Variants in LRRIQ3 observed in about 807,000 individuals in gnomAD.
LRRIQ3 encodes leucine-rich repeat and IQ domain-containing protein 3.
In LRRIQ3, 75 loss-of-function variants were observed where a neutral mutation model predicts 59.3. That is an observed-to-expected ratio of 1.26 (90% CI 1.05 to 1.53). The LOEUF (loss-of-function observed/expected upper bound fraction) is 1.53. Among genes scored for constraint, LRRIQ3 ranks in the 40% most tolerant of loss-of-function variants. The probability of loss-of-function intolerance (pLI) is 0.00; values close to 1 mark genes in which losing one functional copy is unlikely to be tolerated. For missense variants in LRRIQ3, 831 were observed against 710.0 expected (o/e 1.17, Z -1.94); for synonymous variants, 250 against 231.3 (o/e 1.08, Z -0.73).
At chr1:74,180,019 A>C (rs1649882620) in intron 3 of LRRIQ3, 1 of 151,872 alleles carries the variant, frequency 6.6e-6, no homozygotes, top group Non-Finnish European at 1.5e-5. Context: ...TCTTTCATAA[A>C]TTCTATTTCC....
Position 74,066,497 on chromosome 1 carries a change from G to A in LRRIQ3, c.997+8164C>T, listed in dbSNP as rs77571040. Among the ~76,000 whole-genome samples the A allele has an allele frequency of 3.9e-4, 59 of 149,990 alleles. No homozygotes were observed. In the East Asian group the frequency reaches 0.011, roughly 29 times the overall value. On this transcript the variant is annotated intron_variant, in intron 6 of 7. Coordinates refer to ENST00000354431, the MANE Select transcript of LRRIQ3 (RefSeq NM_001105659.2). ...TTTCATAATACATTTCAGTTCTATG[G>A]GTATATGAGGTCTAATAACAACAAT... is the stretch of plus-strand genomic sequence containing the variant.
chr1:74,074,899 CA>C, intron 5 of LRRIQ3, 109 bp from the exon 6 acceptor site: 1 of 545,834 alleles, frequency 1.8e-6, no homozygotes, highest in South Asian at 6.6e-5. Flanking sequence ...TCATTTAAAA[CA>C]TGAAAACAAA....
At chr1:74,126,691 T>C (rs1434868387) in intron 4 of LRRIQ3, among the ~76,000 whole-genome samples, 1 of 151,970 alleles carries the variant, frequency 6.6e-6, no homozygotes, top group Non-Finnish European at 1.5e-5. Context: ...TCTAGTTTTA[T>C]TCCATTGTCA....
At chr1:74,152,764 T>C (rs1648070679) in intron 4 of LRRIQ3, among the ~76,000 whole-genome samples, 1 of 152,160 alleles carries the variant, frequency 6.6e-6, no homozygotes, top group Admixed American at 6.5e-5. Context: ...ACTAGAGCTG[T>C]TTGGAAAAGC....
At chr1:74,178,503 A>G (rs1649782724) in intron 3 of LRRIQ3, among the ~76,000 whole-genome samples, 2 of 152,144 alleles carry the variant, frequency 1.3e-5, no homozygotes, top group African/African-American at 4.8e-5. Context: ...TATGATTTTT[A>G]TATTTTGTTT....
chr1:74,069,334 GC>G (rs1410280364), intron 6 of LRRIQ3, among the ~76,000 whole-genome samples: 4 of 151,910 alleles, frequency 2.6e-5, no homozygotes, highest in African/African-American at 9.7e-5. Context: ...AGTCTTGTAT[GC>G]CACATCTTTT....
In LRRIQ3 at chr1:74,168,459, A is replaced by G. The variant is rs538573684; in HGVS notation, c.574-12593T>C. The stretch of plus-strand genomic sequence containing the variant: ...ATATTTTTCCATCATTTTATTTTCA[A>G]TTTGCCTATAACATTCTATTTGAAA... On this transcript the variant is annotated intron_variant, in intron 3 of 7. Coordinates refer to ENST00000354431, the MANE Select transcript of LRRIQ3 (RefSeq NM_001105659.2). 5.3e-5 allele frequency among the ~76,000 whole-genome samples: 8 copies of G among 152,084 alleles called. No individual in the cohort carries two copies. The South Asian group carries it at 1.7e-3, about 32-fold the overall frequency.
At chr1:74,120,263 G>T (rs1646834814) in intron 4 of LRRIQ3, among the ~76,000 whole-genome samples, 1 of 151,680 alleles carries the variant, frequency 6.6e-6, no homozygotes, top group Non-Finnish European at 1.5e-5. Flanking sequence ...AATTACAGGT[G>T]CATGCAACCA....
At chr1:74,188,972 T>A (rs955110593) in intron 1 of LRRIQ3, among the ~76,000 whole-genome samples, 29 of 152,230 alleles carry the variant, frequency 1.9e-4, no homozygotes, top group African/African-American at 7.0e-4. Context: ...CCAAAATTTA[T>A]TGGCTTAAAA....
At chr1:74,153,894 T>C (rs959648074) in intron 4 of LRRIQ3, among the ~76,000 whole-genome samples, 3 of 152,070 alleles carry the variant, frequency 2.0e-5, no homozygotes, top group Non-Finnish European at 4.4e-5. Context: ...AAGGAAAATT[T>C]CCCATGGGGC....
At chr1:74,110,441 T>G (rs776387451) in intron 4 of LRRIQ3, among the ~76,000 whole-genome samples, 3 of 151,954 alleles carry the variant, frequency 2.0e-5, no homozygotes, top group Non-Finnish European at 4.4e-5. Context: ...AAAAGTGTGA[T>G]TATATAAGTA....
At chr1:74,129,953 T>C (rs1286960871) in intron 4 of LRRIQ3, among the ~76,000 whole-genome samples, 1 of 151,036 alleles carries the variant, frequency 6.6e-6, no homozygotes, top group Non-Finnish European at 1.5e-5. Context: ...TGAACATGTA[T>C]CAAAGTTGCC....
chr1:74,196,563 A>T (rs1262341068), intron 1 of LRRIQ3, among the ~76,000 whole-genome samples: 1 of 152,102 alleles, frequency 6.6e-6, no homozygotes, highest in Non-Finnish European at 1.5e-5. Context: ...TCTTTATTCC[A>T]CATGTCCAAA....
At chr1:74,087,567 G>C (rs1299668842) in intron 5 of LRRIQ3, among the ~76,000 whole-genome samples, 1 of 150,726 alleles carries the variant, frequency 6.6e-6, no homozygotes, top group Non-Finnish European at 1.5e-5. Flanking sequence ...ATTGCATGTT[G>C]AGGTGAAAAA....
chr1:74,129,409 T>A (rs575193425), intron 4 of LRRIQ3, among the ~76,000 whole-genome samples: 10 of 152,028 alleles, frequency 6.6e-5, no homozygotes, highest in Admixed American at 4.6e-4. Context: ...CCTCTGATGT[T>A]TATTCAAGGA....
intron 5 of LRRIQ3, among the ~76,000 whole-genome samples, chr1:74,100,253 T>C (rs1328462110): frequency 1.3e-5 from 2 of 152,142 alleles, no homozygotes; most frequent in Non-Finnish European, 2.9e-5. Context: ...AGCATTCCTA[T>C]GCACCAATAA....
chr1:74,124,549 T>C (rs1280564308), intron 4 of LRRIQ3, among the ~76,000 whole-genome samples: 2 of 151,878 alleles, frequency 1.3e-5, no homozygotes, highest in Non-Finnish European at 2.9e-5. Flanking sequence ...TGGTCAGAGA[T>C]GGTGGTCCAA....
chr1:74,172,210 T>C lies in LRRIQ3; in HGVS notation c.573+10328A>G, dbSNP rs555824522. 4.6e-5 allele frequency among the ~76,000 whole-genome samples: 7 copies of C among 152,250 alleles called. No homozygotes were observed. In the South Asian group the frequency reaches 1.4e-3, roughly 32 times the overall value. On this transcript the variant is annotated intron_variant, in intron 3 of 7. Transcript: ENST00000354431. The stretch of plus-strand genomic sequence containing the variant: ...TTGGTTGAGATCATTTTTTCTTTTT[T>C]AAAATAGATTTCACTATAAACCTCC...
At chr1:74,141,678 A>C (rs188820142) in intron 4 of LRRIQ3, among the ~76,000 whole-genome samples, 3 of 151,986 alleles carry the variant, frequency 2.0e-5, no homozygotes, top group African/African-American at 7.2e-5. Context: ...TTGATAAAAA[A>C]TGTTCTGATT....
Sources: allele counts gnomAD v4.1 joint callset (sites outside exome capture counted in the v4.1 genomes callset), GRCh38; gene constraint gnomAD v4.1.1; transcripts MANE v1.5; gene names NCBI Gene and HGNC (gene_info 2026-07-23, HGNC 2026-07-21).